The following GLDC variants were observed in gnomAD, a reference collection of about 807,000 sequenced individuals.
The protein encoded by GLDC is glycine dehydrogenase (decarboxylating), mitochondrial.
A neutral mutation model predicts 121.3 loss-of-function variants in GLDC; 104 were observed. The observed-to-expected ratio is 0.86, with a 90% CI of 0.73 to 1.01. GLDC has a LOEUF of 1.01. Among genes scored for constraint, GLDC ranks in the 50% least tolerant of loss-of-function variants. The pLI, the probability that GLDC is intolerant of heterozygous loss-of-function variation, is 0.00. For synonymous variants in GLDC, 546 were observed against 480.6 expected (o/e 1.14, Z -1.78); for missense variants, 1,429 against 1,306.6 (o/e 1.09, Z -1.44).
chr9:6,540,808 T>C (rs1288482018), intron 21 of GLDC: 1 of 152,404 alleles, frequency 6.6e-6, no homozygotes, highest in East Asian at 1.9e-4. Context: ...CAATGACATA[T>C]CCCTTATTTG....
chr9:6,559,923 G>A (rs1327950312), intron 16 of GLDC, among the ~76,000 whole-genome samples: 3 of 152,336 alleles, frequency 2.0e-5, no homozygotes, highest in South Asian at 4.1e-4. Context: ...GTCCAGAGAT[G>A]CAGCAGAAAC....
Position 6,645,244 on chromosome 9 carries a change from C to G in GLDC, c.255+1G>C. 1 of 1,589,242 alleles carries G rather than the reference C, an allele frequency of 6.3e-7. No individual in the cohort carries two copies. The highest frequency in any genetic ancestry group is 8.6e-7 in the Non-Finnish European group (1 of 1,167,798). On this transcript the variant is annotated splice_donor_variant, in intron 1 of 24. Transcript: ENST00000321612. LOFTEE classifies it high-confidence loss of function. ...GCGGAGGGCCGGGTGGAGGTCCTTA[C>G]CGCCAGCCCCAAGGTCTGCAGCATC...
chr9:6,563,533 G>A (rs1317557770), intron 16 of GLDC, among the ~76,000 whole-genome samples: 1 of 152,166 alleles, frequency 6.6e-6, no homozygotes, highest in Non-Finnish European at 1.5e-5. Flanking sequence ...GAAGCCATGA[G>A]GGAAAAACAG....
intron 7 of GLDC, among the ~76,000 whole-genome samples, chr9:6,603,527 G>A (rs559450408): frequency 1.4e-4 from 21 of 146,518 alleles, no homozygotes; most frequent in African/African-American, 5.0e-4. Flanking sequence ...GTGAGACTTG[G>A]TCTCAAAATA....
At chr9:6,644,875 G>C (rs535733760) in intron 1 of GLDC, 183 bp from the exon 2 acceptor site, 2 of 646,050 alleles carry the variant, frequency 3.1e-6, no homozygotes, top group Admixed American at 5.0e-5. Context: ...GTGAAGTGGG[G>C]TGGAGATTCC....
At chr9:6,625,108 A>T (rs1819204276) in intron 2 of GLDC, among the ~76,000 whole-genome samples, 2 of 152,098 alleles carry the variant, frequency 1.3e-5, no homozygotes, top group Admixed American at 6.5e-5. Context: ...CTCTTTACTA[A>T]CTAACATTAT....
Position 6,587,141 on chromosome 9 carries a change from C to G in GLDC, c.1850G>C (p.Ser617Thr), listed in dbSNP as rs747786666. The G allele has an allele frequency of 8.7e-6, 14 of 1,612,294 alleles. No individual in the cohort carries two copies. The highest frequency in any genetic ancestry group is 1.1e-5 in the Non-Finnish European group (13 of 1,178,884). ...ACAATAAGAAAAGAAATGCCCTTAC[C>G]TGTTTGGCTGGAAACAGACCTGGTC... ...GYDQVCFQPN[S>T]GAQGEYAGLA... is the part of the protein sequence containing the mutation. Residue 617 changes from serine to threonine, a missense_variant and splice_region_variant, in exon 15 of 25, where the codon AGC (serine) becomes ACC (threonine). By Grantham distance (58) the Ser-to-Thr change is moderately conservative. Transcript: ENST00000321612.
At chr9:6,602,016 G>A (rs1818620844) in intron 8 of GLDC, 93 bp downstream of exon 8, 1 of 822,070 alleles carries the variant, frequency 1.2e-6, no homozygotes, top group Non-Finnish European at 2.1e-6. Flanking sequence ...TGCTCAGGAG[G>A]TGGTGAATAA....
intron 15 of GLDC, among the ~76,000 whole-genome samples, chr9:6,585,721 G>A (rs1421629228): frequency 6.6e-6 from 1 of 152,196 alleles, no homozygotes; most frequent in Non-Finnish European, 1.5e-5. Flanking sequence ...TATACTTTGA[G>A]CAGCAGGAGG....
intron 15 of GLDC, among the ~76,000 whole-genome samples, chr9:6,571,115 C>T (rs1043812075): frequency 2.0e-5 from 3 of 151,664 alleles, no homozygotes; most frequent in African/African-American, 7.3e-5. Context: ...TAGACACAAG[C>T]AAGATTATTC....
intron 2 of GLDC, among the ~76,000 whole-genome samples, chr9:6,642,574 T>G (rs916609939): frequency 2.6e-5 from 4 of 152,084 alleles, no homozygotes; most frequent in African/African-American, 9.7e-5. Context: ...TATATTCAAG[T>G]TGCAAATTAC....
At chr9:6,582,758 G>A (rs1818196446) in intron 15 of GLDC, among the ~76,000 whole-genome samples, 2 of 151,924 alleles carry the variant, frequency 1.3e-5, no homozygotes. Context: ...GAACCCGGGA[G>A]GCGATCGTTG....
intron 2 of GLDC, among the ~76,000 whole-genome samples, chr9:6,626,746 T>C (rs957317399): frequency 1.3e-5 from 2 of 152,038 alleles, no homozygotes; most frequent in African/African-American, 4.8e-5. Flanking sequence ...TAGGTAAAGG[T>C]CAAGCCCCTT....
chr9:6,623,420 T>G (rs1382094814), intron 2 of GLDC, among the ~76,000 whole-genome samples: 1 of 148,268 alleles, frequency 6.7e-6, no homozygotes, highest in Middle Eastern at 3.4e-3. Flanking sequence ...GAAGGCAGCA[T>G]GCTCGTTAAG....
chr9:6,586,730 G>A (rs988800609), intron 15 of GLDC, among the ~76,000 whole-genome samples: 11 of 152,132 alleles, frequency 7.2e-5, no homozygotes, highest in African/African-American at 2.7e-4. Context: ...GGCTCGCCTC[G>A]TGACTTGCTT....
chr9:6,598,179 C>G (rs1818528406), intron 8 of GLDC, among the ~76,000 whole-genome samples: 1 of 151,988 alleles, frequency 6.6e-6, no homozygotes, highest in African/African-American at 2.4e-5. Flanking sequence ...TGGTGTGTAC[C>G]ACAACACCTG....
intron 3 of GLDC, among the ~76,000 whole-genome samples, chr9:6,616,321 C>T (rs1818966460): frequency 1.3e-5 from 2 of 152,206 alleles, no homozygotes; most frequent in South Asian, 4.1e-4. Context: ...TCAATCCTTT[C>T]ATAAGTCCAA....
At chr9:6,541,071 A>G (rs1817248243) in intron 21 of GLDC, 1 of 152,202 alleles carries the variant, frequency 6.6e-6, no homozygotes, top group Non-Finnish European at 1.5e-5. Flanking sequence ...CAGCCTGGGT[A>G]ATAGGGGCAA....
intron 15 of GLDC, chr9:6,569,244 A>C (rs1309572506): frequency 6.6e-6 from 1 of 152,254 alleles, no homozygotes; most frequent in East Asian, 1.9e-4. Flanking sequence ...AAGAGCTAAA[A>C]GTTCCTTTGC....
Sources: allele counts gnomAD v4.1 joint callset (sites outside exome capture counted in the v4.1 genomes callset), GRCh38; gene constraint gnomAD v4.1.1; transcripts MANE v1.5; gene names NCBI Gene and HGNC (gene_info 2026-07-23, HGNC 2026-07-21).